The following HOMER2 variants were observed in gnomAD, a reference collection of about 807,000 sequenced individuals.
HOMER2 encodes homer protein homolog 2.
In HOMER2, 27 loss-of-function variants were observed where a neutral mutation model predicts 47.0. The ratio of observed to expected loss-of-function variants is 0.57; its 90% CI spans 0.42 to 0.79. The LOEUF (loss-of-function observed/expected upper bound fraction) is 0.79, where lower values mean the gene tolerates loss of function less well. Among genes scored for constraint, HOMER2 ranks in the 30% least tolerant of loss-of-function variants. The pLI is 0.00. For synonymous variants in HOMER2, 161 were observed against 163.8 expected (o/e 0.98, Z 0.13); for missense variants, 443 against 435.0 (o/e 1.02, Z -0.16).
intron 3 of HOMER2, 128 bp downstream of exon 3, chr15:82,875,145 C>A (rs1305587681): frequency 1.1e-5 from 12 of 1,096,470 alleles, no homozygotes; most frequent in Non-Finnish European, 1.4e-5. Context: ...CCCCGTGATG[C>A]CAGGAGGAGT....
upstream of HOMER2, among the ~76,000 whole-genome samples, chr15:82,953,751 C>G (rs2054554192): frequency 6.6e-6 from 1 of 152,178 alleles, no homozygotes; most frequent in African/African-American, 2.4e-5. Context: ...GGCGTGGAGA[C>G]AGGCGCCTGT....
At chr15:82,846,957 T>G (rs550537189), downstream of HOMER2, 1 of 152,300 alleles carries the variant, frequency 6.6e-6, no homozygotes, top group South Asian at 2.1e-4. Flanking sequence ...TAGTTGATCT[T>G]TTTTAGACAC....
intron 1 of HOMER2, among the ~76,000 whole-genome samples, chr15:82,969,201 G>A (rs1273304780): frequency 6.6e-6 from 1 of 152,132 alleles, no homozygotes; most frequent in Non-Finnish European, 1.5e-5. Flanking sequence ...CTACTGCATG[G>A]CAAGAGTCAC....
chr15:82,985,532 A>C (rs1009850699), intron 1 of HOMER2: 1 of 152,226 alleles, frequency 6.6e-6, no homozygotes, highest in Non-Finnish European at 1.5e-5. Flanking sequence ...AAAGGCAAGA[A>C]AGGGCATCAA....
At chr15:82,890,111 G>A (rs1369207914) in intron 2 of HOMER2, among the ~76,000 whole-genome samples, 3 of 152,172 alleles carry the variant, frequency 2.0e-5, no homozygotes, top group African/African-American at 4.8e-5. Context: ...TTGGGAGGCC[G>A]AGGGGCAGAT....
chr15:82,860,871 A>C (rs1791831107), intron 4 of HOMER2, among the ~76,000 whole-genome samples: 1 of 151,604 alleles, frequency 6.6e-6, no homozygotes, highest in African/African-American at 2.4e-5. Context: ...TGGGTGGCAG[A>C]GGTTGCAGTG....
At chr15:82,955,746 C>T (rs536119105), upstream of HOMER2, among the ~76,000 whole-genome samples, 1 of 152,276 alleles carries the variant, frequency 6.6e-6, no homozygotes, top group African/African-American at 2.4e-5. Context: ...AAATGTTGAT[C>T]ACCTGCTGTG....
intron 1 of HOMER2, among the ~76,000 whole-genome samples, chr15:82,974,510 G>T (rs183437503): frequency 3.3e-5 from 5 of 152,206 alleles, no homozygotes; most frequent in Admixed American, 2.0e-4. Flanking sequence ...GTCAATACAC[G>T]ACAATGTCTA....
chr15:82,967,630 C>T (rs1312760166), intron 1 of HOMER2, among the ~76,000 whole-genome samples: 1 of 152,128 alleles, frequency 6.6e-6, no homozygotes, highest in Admixed American at 6.5e-5. Flanking sequence ...AATCCCAGCA[C>T]TTTCGGAGGC....
intron 1 of HOMER2, among the ~76,000 whole-genome samples, chr15:82,967,496 G>T (rs1260224654): frequency 1.3e-5 from 2 of 152,100 alleles, no homozygotes; most frequent in Non-Finnish European, 2.9e-5. Context: ...GCCATGAGTT[G>T]CTAATTGTTG....
exon 2 of HOMER2, chr15:82,958,563 G>C (rs1229966124): frequency 6.6e-6 from 1 of 152,358 alleles, no homozygotes; most frequent in African/African-American, 2.4e-5. Flanking sequence ...TTGTGTCTTA[G>C]CTTCTCTGGC....
At chr15:82,845,208 T>G (rs1332603980), downstream of HOMER2, 2 of 144,076 alleles carry the variant, frequency 1.4e-5, no homozygotes, top group Non-Finnish European at 3.0e-5. Flanking sequence ...CTTCCCCTTT[T>G]GCTGTTTCTT....
At chr15:82,905,584 C>T (rs1055779460) in intron 1 of HOMER2, among the ~76,000 whole-genome samples, 2 of 152,064 alleles carry the variant, frequency 1.3e-5, no homozygotes, top group Non-Finnish European at 2.9e-5. Context: ...AGGAAAGAAA[C>T]ACCTTACCTA....
At position 82,938,475 on chromosome 15, in the gene HOMER2, C is replaced by T. The variant is rs140319934; in HGVS notation, c.5+14056G>A. ...CTGCACCTTGCCTGGTCTCTGAGGA[C>T]GATGCACTCCTCTTCAGGTCTTCCT... On this transcript the variant is annotated intron_variant, in intron 1 of 8. Transcript: ENST00000450735. Among the ~76,000 whole-genome samples the T allele has an allele frequency of 2.0e-5, 3 of 152,304 alleles. No homozygotes were observed. The East Asian group carries it at 5.8e-4, about 29-fold the overall frequency.
intron 2 of HOMER2, among the ~76,000 whole-genome samples, chr15:82,881,655 C>A (rs534528801): frequency 6.6e-6 from 1 of 152,146 alleles, no homozygotes; most frequent in African/African-American, 2.4e-5. Flanking sequence ...GAGGAGTGGA[C>A]GAGCAGAGCC....
At chr15:82,896,606 G>A (rs1247973384) in intron 1 of HOMER2, among the ~76,000 whole-genome samples, 9 of 152,190 alleles carry the variant, frequency 5.9e-5, no homozygotes. Context: ...GACCTGGGAG[G>A]GGTACTGCAG....
chr15:82,860,108 C>T (rs1464970444), intron 4 of HOMER2, among the ~76,000 whole-genome samples: 3 of 152,010 alleles, frequency 2.0e-5, no homozygotes, highest in South Asian at 2.1e-4. Context: ...GTTAGTCAGG[C>T]GTGGTGGCAT....
At chr15:82,944,752 T>C (rs568216480) in intron 1 of HOMER2, among the ~76,000 whole-genome samples, 1 of 151,964 alleles carries the variant, frequency 6.6e-6, no homozygotes, top group African/African-American at 2.4e-5. Context: ...TTTTTTTTTT[T>C]AAATTTTTAA....
chr15:82,936,692 C>T (rs549083740), intron 1 of HOMER2, among the ~76,000 whole-genome samples: 19 of 152,252 alleles, frequency 1.2e-4, no homozygotes, highest in African/African-American at 4.3e-4. Flanking sequence ...CCCACCTCAA[C>T]CTCACAAGTA....
Sources: allele counts gnomAD v4.1 joint callset (sites outside exome capture counted in the v4.1 genomes callset), GRCh38; gene constraint gnomAD v4.1.1; transcripts MANE v1.5; gene names NCBI Gene and HGNC (gene_info 2026-07-23, HGNC 2026-07-21).